The following NUP210L variants were observed in gnomAD, a reference collection of about 807,000 sequenced individuals.
NUP210L encodes the protein nucleoporin 210 like, also known as nuclear pore membrane glycoprotein 210-like.
Under a neutral mutation model 208.5 loss-of-function variants are expected in NUP210L, and 74 were observed. That is an observed-to-expected ratio of 0.35 (90% CI 0.29 to 0.43). The LOEUF (loss-of-function observed/expected upper bound fraction) is 0.43. Among genes scored for constraint, NUP210L ranks in the 20% least tolerant of loss-of-function variants. The pLI, the probability that NUP210L is intolerant of heterozygous loss-of-function variation, is 1.00. For synonymous variants in NUP210L, 780 were observed against 816.9 expected (o/e 0.95, Z 0.77); for missense variants, 1,843 against 2,289.4 (o/e 0.81, Z 3.98).
At chr1:154,131,213 A>G (rs913061085) in intron 7 of NUP210L, among the ~76,000 whole-genome samples, 3 of 151,022 alleles carry the variant, frequency 2.0e-5, no homozygotes, top group African/African-American at 7.3e-5. Flanking sequence ...TGGAGCTTGC[A>G]GTGAGCCAAG....
At chr1:154,036,360 GTA>G (rs1247766809) in intron 27 of NUP210L, among the ~76,000 whole-genome samples, 3 of 81,128 alleles carry the variant, frequency 3.7e-5, no homozygotes, top group African/African-American at 4.8e-5. Flanking sequence ...GTGTGTGTGT[GTA>G]TAACTTTTTT....
chr1:154,113,167 A>AATATAT (rs1553237739), intron 12 of NUP210L, among the ~76,000 whole-genome samples: 2 of 144,536 alleles, frequency 1.4e-5, no homozygotes, highest in Non-Finnish European at 1.5e-5. Flanking sequence ...TAAAAAAAAA[A>AATATAT]ATATATATAT....
At chr1:154,000,826 A>C in intron 37 of NUP210L, 30 bp downstream of exon 37, 1 of 1,579,092 alleles carries the variant, frequency 6.3e-7, no homozygotes, top group Non-Finnish European at 8.7e-7. Flanking sequence ...TTTCCTCTCT[A>C]GATTATAAAT....
At chr1:154,072,925 C>T (rs1041272858) in intron 16 of NUP210L, among the ~76,000 whole-genome samples, 3 of 152,170 alleles carry the variant, frequency 2.0e-5, no homozygotes, top group Admixed American at 6.5e-5. Flanking sequence ...ATAGCTGGAA[C>T]TTAATTAAAC....
intron 7 of NUP210L, among the ~76,000 whole-genome samples, chr1:154,134,734 C>A (rs1268826135): frequency 9.2e-4 from 62 of 67,310 alleles, no homozygotes; most frequent in African/African-American, 1.4e-3. Flanking sequence ...GACTCCGTCT[C>A]AAAAAAAAAA....
chr1:153,993,899 A>G (rs532654472), intron 38 of NUP210L, among the ~76,000 whole-genome samples: 1 of 152,262 alleles, frequency 6.6e-6, no homozygotes, highest in East Asian at 1.9e-4. Context: ...CCATCTCAAA[A>G]AAATTTTTTT....
chr1:154,063,472 G>A (rs912358617), intron 17 of NUP210L, among the ~76,000 whole-genome samples: 1 of 152,158 alleles, frequency 6.6e-6, no homozygotes, highest in East Asian at 1.9e-4. Flanking sequence ...GGGTCAGTCT[G>A]TTAAGCTACA....
chr1:154,062,284 C>T (rs1654180508), intron 17 of NUP210L, among the ~76,000 whole-genome samples: 1 of 152,142 alleles, frequency 6.6e-6, no homozygotes, highest in Admixed American at 6.5e-5. Context: ...AATAGGCTGA[C>T]AAGTGTAATT....
At chr1:154,137,380 G>A (rs747319261) in intron 6 of NUP210L, among the ~76,000 whole-genome samples, 17 of 151,888 alleles carry the variant, frequency 1.1e-4, no homozygotes, top group East Asian at 1.9e-4. Flanking sequence ...GTGAAACCCC[G>A]TCTCTACTAA....
exon 33 of NUP210L, chr1:154,019,044 A>G: frequency 6.2e-7 from 1 of 1,614,162 alleles, no homozygotes; most frequent in South Asian, 1.1e-5. Context: ...TATTGTTGGC[A>G]GAAATCATCC....
chr1:154,148,577 G>A (rs781480764), intron 2 of NUP210L, among the ~76,000 whole-genome samples: 1 of 152,190 alleles, frequency 6.6e-6, no homozygotes, highest in South Asian at 2.1e-4. Context: ...TTGAATCCTA[G>A]AGAAGATTAG....
chr1:154,109,383 G>C (rs1656929065), intron 12 of NUP210L, among the ~76,000 whole-genome samples: 2 of 151,710 alleles, frequency 1.3e-5, no homozygotes, highest in South Asian at 4.1e-4. Context: ...GGAGGATCCA[G>C]ATGTATAAGG....
intron 17 of NUP210L, among the ~76,000 whole-genome samples, chr1:154,066,923 C>T (rs1312747641): frequency 1.3e-5 from 2 of 152,186 alleles, no homozygotes; most frequent in African/African-American, 4.8e-5. Context: ...AGACCAATAA[C>T]AGGCTCTGAA....
chr1:154,103,136 G>A (rs1356844675), intron 13 of NUP210L, among the ~76,000 whole-genome samples: 1 of 152,068 alleles, frequency 6.6e-6, no homozygotes, highest in African/African-American at 2.4e-5. Context: ...GCTCACGCCT[G>A]TAATCCCAGC....
At chr1:154,099,213 G>A (rs1049977634) in intron 14 of NUP210L, among the ~76,000 whole-genome samples, 1 of 152,256 alleles carries the variant, frequency 6.6e-6, no homozygotes, top group East Asian at 1.9e-4. Context: ...CAAGGGGGTA[G>A]TGGGGCTGGG....
rs1654660540 is a variant in NUP210L at position 154,070,559 on chromosome 1, C to T, written c.2362-94G>A. On this transcript the variant is annotated intron_variant, in intron 16 of 39. Transcript: ENST00000368559. ...TCTAAAGCTAGGAATCGAGTTTTCTCTCAATATTTTTACCTTAAAAATTTG... is the reference window on the plus strand; with the variant it reads ...TCTAAAGCTAGGAATCGAGTTTTCTTTCAATATTTTTACCTTAAAAATTTG... The T allele has an allele frequency of 7.0e-6, 6 of 861,768 alleles. No homozygotes were observed. In the South Asian group the frequency reaches 1.1e-4, roughly 16 times the overall value. 53.4% of individuals were successfully genotyped at this position (861,768 alleles called of 1,614,324 possible). A position where few individuals can be genotyped will look rare whatever the true frequency, so the allele number is the denominator to read the frequency against.
chr1:154,035,390 T>G (rs1054139968), intron 27 of NUP210L, among the ~76,000 whole-genome samples: 6 of 151,796 alleles, frequency 4.0e-5, no homozygotes, highest in Admixed American at 3.9e-4. Flanking sequence ...CTTTTTATTT[T>G]AATTTTTTCT....
At chr1:154,035,249 T>A (rs930671706) in intron 27 of NUP210L, among the ~76,000 whole-genome samples, 1 of 152,170 alleles carries the variant, frequency 6.6e-6, no homozygotes, top group Admixed American at 6.5e-5. Flanking sequence ...ACTTTTTGTT[T>A]TGTTGATCTT....
intron 20 of NUP210L, among the ~76,000 whole-genome samples, chr1:154,059,621 T>G (rs1367274257): frequency 6.6e-6 from 1 of 152,062 alleles, no homozygotes; most frequent in Non-Finnish European, 1.5e-5. Context: ...TGAAGAAAAA[T>G]CGCGTGCATT....
Sources: allele counts gnomAD v4.1 joint callset (sites outside exome capture counted in the v4.1 genomes callset), GRCh38; gene constraint gnomAD v4.1.1; transcripts MANE v1.5; gene names NCBI Gene and HGNC (gene_info 2026-07-23, HGNC 2026-07-21).